The following SPTLC3 variants were observed in gnomAD, a reference collection of about 807,000 sequenced individuals.
The protein encoded by SPTLC3 is serine palmitoyltransferase long chain base subunit 3.
A neutral mutation model predicts 59.3 loss-of-function variants in SPTLC3; 36 were observed. That is an observed-to-expected ratio of 0.61 (90% confidence interval 0.47 to 0.80). The LOEUF is 0.80. SPTLC3 is among the 30% of genes least tolerant of loss of function. SPTLC3 has a pLI of 0.00. For missense variants in SPTLC3, 625 were observed against 685.1 expected, an observed-to-expected ratio of 0.91 and a Z score of 0.98; for synonymous variants, 257 against 240.8, an observed-to-expected ratio of 1.07 and a Z score of -0.62.
chr20:13,088,076 C>G lies in SPTLC3; in HGVS notation c.608-3007C>G, dbSNP rs1042211580. Among the ~76,000 whole-genome samples the G allele has an allele frequency of 3.3e-5, 5 of 152,318 alleles. 1 individual carries two copies. The highest frequency in any genetic ancestry group is 2.6e-4 in the Admixed American group (4 of 15,304). ...AGCCAGAACCTAGTCTCCTCATGCC[C>G]AGGCTGTTGGCCTTTTCACTGTCTG... is the stretch of plus-strand genomic sequence containing the variant. On this transcript the variant is annotated intron_variant, in intron 4 of 11. Transcript: ENST00000399002.
At chr20:13,020,565 T>G (rs1985826676) in intron 1 of SPTLC3, among the ~76,000 whole-genome samples, 1 of 152,106 alleles carries the variant, frequency 6.6e-6, no homozygotes, top group African/African-American at 2.4e-5. Flanking sequence ...TGCATTTTAT[T>G]ACATAATATA....
chr20:13,144,742 G>A (rs1307271338), intron 9 of SPTLC3, among the ~76,000 whole-genome samples: 1 of 144,052 alleles, frequency 6.9e-6, no homozygotes, highest in African/African-American at 2.6e-5. Context: ...GTCTGCAGAG[G>A]GAGGTCTACT....
intron 1 of SPTLC3, among the ~76,000 whole-genome samples, chr20:13,016,414 T>C (rs1177443281): frequency 1.3e-5 from 2 of 152,178 alleles, no homozygotes; most frequent in African/African-American, 2.4e-5. Flanking sequence ...ATTTGCCTCA[T>C]TGAATTCTTA....
chr20:13,018,998 C>T (rs1985716239), intron 1 of SPTLC3, among the ~76,000 whole-genome samples: 1 of 152,202 alleles, frequency 6.6e-6, no homozygotes, highest in Admixed American at 6.5e-5. Flanking sequence ...TTATCCTCCA[C>T]AATCTACTTC....
intron 2 of SPTLC3, among the ~76,000 whole-genome samples, chr20:13,067,167 T>C (rs1328879922): frequency 6.7e-6 from 1 of 149,828 alleles, no homozygotes; most frequent in Non-Finnish European, 1.5e-5. Context: ...CCAGGGCCAG[T>C]AGATTGTCTT....
rs79019309 is a variant in SPTLC3, at chr20:13,038,136, G to A, written c.118-10809G>A. Among the ~76,000 whole-genome samples, 12 of 151,250 alleles carry A rather than the reference G, an allele frequency of 7.9e-5. No individual in the cohort carries two copies. In the East Asian group the frequency reaches 1.9e-3, roughly 24 times the overall value. ...TCATTTTCACCATTGATATATTATT[G>A]GTCTGTAGTTTTCTTTATCTGTGAT... On this transcript the variant is annotated intron_variant, in intron 1 of 11. Transcript: ENST00000399002.
At chr20:13,118,993 G>A (rs1180566072) in intron 8 of SPTLC3, among the ~76,000 whole-genome samples, 1 of 152,180 alleles carries the variant, frequency 6.6e-6, no homozygotes, top group African/African-American at 2.4e-5. Flanking sequence ...CTGGCCTGTG[G>A]GAATCAGCTG....
intron 2 of SPTLC3, among the ~76,000 whole-genome samples, chr20:13,056,200 T>C (rs1987716848): frequency 6.6e-6 from 1 of 152,188 alleles, no homozygotes; most frequent in African/African-American, 2.4e-5. Context: ...TTAAATAAAT[T>C]AATGATTTAC....
intron 2 of SPTLC3, among the ~76,000 whole-genome samples, chr20:13,070,160 A>T (rs1388377797): frequency 3.9e-5 from 6 of 152,324 alleles, no homozygotes; most frequent in Admixed American, 3.3e-4. Flanking sequence ...ATAATTGATT[A>T]TCAGAAACTT....
chr20:13,027,128 T>C (rs1986187434), intron 1 of SPTLC3, among the ~76,000 whole-genome samples: 1 of 152,212 alleles, frequency 6.6e-6, no homozygotes, highest in Admixed American at 6.5e-5. Flanking sequence ...TCTCCTCCTC[T>C]AACAGTGCTT....
intron 11 of SPTLC3, among the ~76,000 whole-genome samples, chr20:13,163,200 T>G (rs530868698): frequency 1.3e-5 from 2 of 151,820 alleles, no homozygotes; most frequent in Non-Finnish European, 2.9e-5. Flanking sequence ...AAACCCCATC[T>G]CTACTAAAAA....
At chr20:13,097,838 A>T (rs1381606474) in intron 6 of SPTLC3, among the ~76,000 whole-genome samples, 1 of 152,204 alleles carries the variant, frequency 6.6e-6, no homozygotes, top group Non-Finnish European at 1.5e-5. Context: ...GATAAGAAAG[A>T]ACAGTATCAG....
intron 4 of SPTLC3, among the ~76,000 whole-genome samples, chr20:13,085,329 A>G (rs2122607450): frequency 6.6e-6 from 1 of 152,230 alleles, no homozygotes; most frequent in South Asian, 2.1e-4. Context: ...ACAGCAGAGT[A>G]CCCCAAATGC....
chr20:13,141,339 G>A (rs1336892781), intron 9 of SPTLC3, among the ~76,000 whole-genome samples: 1 of 152,174 alleles, frequency 6.6e-6, no homozygotes, highest in Non-Finnish European at 1.5e-5. Flanking sequence ...CTCTAGGGAA[G>A]AGGGAATGAA....
intron 1 of SPTLC3, among the ~76,000 whole-genome samples, chr20:13,043,715 C>T (rs1329020504): frequency 6.6e-6 from 1 of 152,170 alleles, no homozygotes; most frequent in African/African-American, 2.4e-5. Context: ...TATATACACT[C>T]AGTCTTTATT....
At chr20:13,106,197 A>G (rs1028755976) in intron 6 of SPTLC3, among the ~76,000 whole-genome samples, 1 of 152,174 alleles carries the variant, frequency 6.6e-6, no homozygotes, top group Non-Finnish European at 1.5e-5. Context: ...ATTTCTATCC[A>G]CAAGTGGCAT....
rs79618996 is a variant in SPTLC3, at chr20:13,052,835, A to T, written c.303+3705A>T. The stretch of plus-strand genomic sequence containing the variant: ...TCAAAGCCGCTGTAGCCAGACTGCC[A>T]CTCTAGATTCCTCCTCTCTGGGCCT... On this transcript the variant is annotated intron_variant, in intron 2 of 11. Transcript: ENST00000399002. 2.0e-5 allele frequency among the ~76,000 whole-genome samples: 3 copies of T among 152,116 alleles called. No homozygotes were observed. In the East Asian group the frequency reaches 5.8e-4, roughly 30 times the overall value.
chr20:13,029,489 G>A (rs1167838547), intron 1 of SPTLC3, among the ~76,000 whole-genome samples: 2 of 152,004 alleles, frequency 1.3e-5, no homozygotes, highest in Non-Finnish European at 2.9e-5. Flanking sequence ...CTTGCTCTGG[G>A]AGAGGTTATT....
At chr20:13,144,425 G>T (rs538577659) in intron 9 of SPTLC3, among the ~76,000 whole-genome samples, 1 of 152,278 alleles carries the variant, frequency 6.6e-6, no homozygotes, top group East Asian at 1.9e-4. Flanking sequence ...AGATGTAGTA[G>T]CTATTACTAT....
Sources: allele counts gnomAD v4.1 joint callset (sites outside exome capture counted in the v4.1 genomes callset), GRCh38; gene constraint gnomAD v4.1.1; transcripts MANE v1.5; gene names NCBI Gene and HGNC (gene_info 2026-07-23, HGNC 2026-07-21).